Variants in STIM1 observed in about 807,000 individuals in gnomAD.
STIM1 encodes stromal interaction molecule 1.
Under a neutral mutation model 74.7 loss-of-function variants are expected in STIM1, and 25 were observed. That is an observed-to-expected ratio of 0.33 (90% CI 0.24 to 0.47). The LOEUF (loss-of-function observed/expected upper bound fraction) is 0.47. Ranked by LOEUF, STIM1 falls within the 20% of genes least tolerant of loss-of-function variation. The probability of loss-of-function intolerance (pLI) is 1.00; values close to 1 mark genes in which losing one functional copy is unlikely to be tolerated. For synonymous variants in STIM1, 328 were observed against 348.8 expected, an observed-to-expected ratio of 0.94 and a Z score of 0.66; for missense variants, 728 against 920.8, an observed-to-expected ratio of 0.79 and a Z score of 2.71.
intron 1 of STIM1, among the ~76,000 whole-genome samples, chr11:3,931,265 G>T (rs993455743): frequency 3.9e-5 from 6 of 152,174 alleles, no homozygotes; most frequent in African/African-American, 1.4e-4. Flanking sequence ...AGGCTTACAG[G>T]CCAGGCAATA....
intron 2 of STIM1, among the ~76,000 whole-genome samples, chr11:4,003,605 A>G (rs1363344772): frequency 8.5e-5 from 13 of 152,112 alleles, no homozygotes; most frequent in Admixed American, 8.5e-4. Flanking sequence ...AATAAGAGCT[A>G]TCTATGACAG....
intron 1 of STIM1, among the ~76,000 whole-genome samples, chr11:3,871,359 A>G (rs1373472553): frequency 6.6e-6 from 1 of 152,166 alleles, no homozygotes; most frequent in Non-Finnish European, 1.5e-5. Flanking sequence ...CTTGCTGATC[A>G]GAGTGCTTGG....
At chr11:4,051,325 A>C (rs1231590391) in intron 3 of STIM1, among the ~76,000 whole-genome samples, 1 of 151,550 alleles carries the variant, frequency 6.6e-6, no homozygotes, top group African/African-American at 2.4e-5. Flanking sequence ...ATAGAATCAA[A>C]ACACTTTAAT....
chr11:4,013,690 C>CTTTTTTTTTT lies in STIM1; in HGVS notation c.271-10160_271-10151dup, dbSNP rs1169600270. ...AACCAGCTCCTGGATTCATTGATTTCTTTTTTTTTTTTTTTTTTTTTTTTT... is the reference window on the plus strand; with the variant it reads ...AACCAGCTCCTGGATTCATTGATTTCTTTTTTTTTTTTTTTTTTTTTTTTTTTTTTTTTTT... On this transcript the variant is annotated intron_variant, in intron 2 of 12. Coordinates refer to ENST00000526596, the MANE Select transcript of STIM1 (RefSeq NM_001382567.1). Among the ~76,000 whole-genome samples, 152 of 51,934 alleles carry CTTTTTTTTTT rather than the reference C, an allele frequency of 2.9e-3. 20 individuals are homozygous for CTTTTTTTTTT. Among genetic ancestry groups the CTTTTTTTTTT allele is most frequent in the Middle Eastern group, 0.028 (1 of 36 alleles). The allele number at this position is 51,934 out of a possible 152,430, so 34.1% of individuals were successfully genotyped here.
At chr11:3,902,684 G>A (rs1021469662) in intron 1 of STIM1, among the ~76,000 whole-genome samples, 2 of 152,208 alleles carry the variant, frequency 1.3e-5, no homozygotes, top group Admixed American at 1.3e-4. Flanking sequence ...GGTACAGTCT[G>A]CAGCCTGAGG....
chr11:4,053,333 A>C (rs1479625637), intron 3 of STIM1, among the ~76,000 whole-genome samples: 1 of 152,236 alleles, frequency 6.6e-6, no homozygotes, highest in Non-Finnish European at 1.5e-5. Flanking sequence ...AACCAACCCA[A>C]ATGTCCATCA....
At chr11:3,926,664 C>T (rs1479032673) in intron 1 of STIM1, among the ~76,000 whole-genome samples, 3 of 152,196 alleles carry the variant, frequency 2.0e-5, no homozygotes, top group South Asian at 2.1e-4. Context: ...TAAGCAAAGC[C>T]TTACTCAGAT....
intron 1 of STIM1, among the ~76,000 whole-genome samples, chr11:3,861,645 T>G (rs1415690814): frequency 6.6e-6 from 1 of 152,198 alleles, no homozygotes; most frequent in Non-Finnish European, 1.5e-5. Context: ...GATGACAAAA[T>G]CACAGTTATT....
intron 1 of STIM1, 134 bp downstream of exon 1, chr11:3,856,543 A>C (rs1201635569): frequency 8.9e-7 from 1 of 1,120,084 alleles, no homozygotes; most frequent in African/African-American, 1.6e-5. Context: ...TGCCTGTTCC[A>C]AGTAGTTCAA....
intron 1 of STIM1, among the ~76,000 whole-genome samples, chr11:3,861,383 G>A (rs752836271): frequency 3.3e-5 from 5 of 151,916 alleles, no homozygotes; most frequent in Admixed American, 6.6e-5. Flanking sequence ...ACAGGCATCC[G>A]CCACCACGCC....
At chr11:4,005,326 A>G in intron 2 of STIM1, among the ~76,000 whole-genome samples, 1 of 152,294 alleles carries the variant, frequency 6.6e-6, no homozygotes, top group Non-Finnish European at 1.5e-5. Flanking sequence ...AAGACTTGGA[A>G]CCAACCCAAA....
At chr11:4,063,103 C>T (rs1459604413) in intron 5 of STIM1, among the ~76,000 whole-genome samples, 1 of 151,706 alleles carries the variant, frequency 6.6e-6, no homozygotes, top group Non-Finnish European at 1.5e-5. Context: ...GTTTCTGGGG[C>T]TGGGGGTGGG....
chr11:4,080,220 T>C (rs1256492554), intron 7 of STIM1, among the ~76,000 whole-genome samples: 1 of 152,154 alleles, frequency 6.6e-6, no homozygotes, highest in Non-Finnish European at 1.5e-5. Flanking sequence ...CACTCCAGCC[T>C]GGGCGACACA....
chr11:3,921,071 C>A (rs1486881394), intron 1 of STIM1, among the ~76,000 whole-genome samples: 1 of 152,190 alleles, frequency 6.6e-6, no homozygotes, highest in Admixed American at 6.5e-5. Flanking sequence ...GCTGGGATTA[C>A]AGACGTGAGC....
At chr11:4,060,588 G>A (rs1452780789) in intron 5 of STIM1, among the ~76,000 whole-genome samples, 1 of 152,168 alleles carries the variant, frequency 6.6e-6, no homozygotes, top group Non-Finnish European at 1.5e-5. Context: ...TTCATTGGTA[G>A]GTTTTGAATA....
At chr11:3,978,299 C>T (rs1446683505) in intron 2 of STIM1, among the ~76,000 whole-genome samples, 2 of 151,626 alleles carry the variant, frequency 1.3e-5, no homozygotes, top group African/African-American at 2.4e-5. Context: ...CAGGCATGCA[C>T]CACCACGCCT....
chr11:3,913,933 G>T (rs937250145), intron 1 of STIM1, among the ~76,000 whole-genome samples: 4 of 152,096 alleles, frequency 2.6e-5, no homozygotes, highest in Non-Finnish European at 5.9e-5. Context: ...GTTGTAACGT[G>T]TCGGTACTTT....
In STIM1 at chr11:3,855,969, C is replaced by A. The variant is rs2090350109; in HGVS notation, c.-302C>A. The A allele has an allele frequency of 2.2e-6, 1 of 453,136 alleles. No homozygotes were observed. Among genetic ancestry groups the A allele is most frequent in the Non-Finnish European group, 4.1e-6 (1 of 243,578 alleles). 28.1% of individuals were successfully genotyped at this position (453,136 alleles called of 1,614,324 possible). A position where few individuals can be genotyped will look rare whatever the true frequency, so the allele number is the denominator to read the frequency against. On this transcript the variant is annotated 5_prime_UTR_variant, in exon 1 of 13. Transcript: ENST00000526596. The stretch of plus-strand genomic sequence containing the variant: ...CCTTCCGCAGGGGTGTAGTAATCTG[C>A]GGAGCTGACAGCAGCCCCGCAGCCA...
At chr11:3,935,597 A>C (rs1187796259) in intron 1 of STIM1, among the ~76,000 whole-genome samples, 1 of 152,216 alleles carries the variant, frequency 6.6e-6, no homozygotes, top group East Asian at 1.9e-4. Context: ...AGACTAACGA[A>C]AGCAGATTCC....
Sources: gnomAD v4.1 joint callset for allele counts (sites outside exome capture counted in the v4.1 genomes callset) on GRCh38, gnomAD v4.1.1 for gene constraint, MANE v1.5 for transcripts, NCBI Gene and HGNC (gene_info 2026-07-23, HGNC 2026-07-21) for gene names.